ARHGEF10: variants seen among roughly 807,000 people sequenced by gnomAD.
ARHGEF10 encodes Rho guanine nucleotide exchange factor (GEF) 10.
A neutral mutation model predicts 147.4 loss-of-function variants in ARHGEF10; 140 were observed. That is an observed-to-expected ratio of 0.95 (90% CI 0.83 to 1.09). ARHGEF10 has a LOEUF of 1.09. Among genes scored for constraint, ARHGEF10 ranks in the 50% least tolerant of loss-of-function variants. ARHGEF10 has a pLI of 0.00. For missense variants in ARHGEF10, 2,222 were observed against 1,752.7 expected, an observed-to-expected ratio of 1.27 and a Z score of -4.78; for synonymous variants, 902 against 695.8, an observed-to-expected ratio of 1.30 and a Z score of -4.67.
At chr8:1,832,199 A>T (rs1323606403) in intron 1 of ARHGEF10, among the ~76,000 whole-genome samples, 5 of 151,296 alleles carry the variant, frequency 3.3e-5, no homozygotes, top group Non-Finnish European at 7.4e-5. Flanking sequence ...CAAGGGCTCC[A>T]AGGGATGGAG....
At chr8:1,954,840 C>G (rs1043834191) in intron 28 of ARHGEF10, among the ~76,000 whole-genome samples, 2 of 152,268 alleles carry the variant, frequency 1.3e-5, no homozygotes, top group South Asian at 2.1e-4. Context: ...TGCTTTTTCT[C>G]TCAGCCTTGC....
chr8:1,921,760 A>T (rs1812308723), intron 18 of ARHGEF10, among the ~76,000 whole-genome samples: 3 of 152,064 alleles, frequency 2.0e-5, no homozygotes, highest in African/African-American at 7.2e-5. Context: ...AAGAAAAAAC[A>T]GAATTTCAGG....
intron 27 of ARHGEF10, 59 bp from the exon 28 acceptor site, chr8:1,952,646 C>T (rs1408688886): frequency 1.1e-5 from 18 of 1,606,264 alleles, no homozygotes; most frequent in Middle Eastern, 2.0e-4. Context: ...ACCCCGTCAC[C>T]GCCCCACCAA....
At chr8:1,897,749 C>T (rs1246977980) in intron 14 of ARHGEF10, among the ~76,000 whole-genome samples, 1 of 152,184 alleles carries the variant, frequency 6.6e-6, no homozygotes, top group Non-Finnish European at 1.5e-5. Flanking sequence ...GGGGATTTTG[C>T]TGTACTCCCA....
At chr8:1,915,801 T>G (rs555128283) in intron 18 of ARHGEF10, among the ~76,000 whole-genome samples, 1 of 152,322 alleles carries the variant, frequency 6.6e-6, no homozygotes, top group South Asian at 2.1e-4. Flanking sequence ...CCATATTTTC[T>G]AAATATGACA....
In ARHGEF10 at chr8:1,922,999, G is replaced by T. The variant is rs367690979; in HGVS notation, c.2179G>T (p.Asp727Tyr). 1 of 1,613,470 alleles carries T rather than the reference G, an allele frequency of 6.2e-7. No individual in the cohort carries two copies. The highest frequency in any genetic ancestry group is 8.5e-7 in the Non-Finnish European group (1 of 1,179,914). ...VYMGPGQLYQ[D>Y]LQNLLHDLNV... is the part of the protein sequence containing the mutation. ...CATGGGGCCAGGACAACTGTATCAA[G>T]ATTTACAAAACTTGTTGCATGACTT... Residue 727 changes from aspartate (D) to tyrosine (Y), a missense_variant, in exon 19 of 29, where the codon GAT becomes TAT. Physicochemically the swap from Asp to Tyr is radical, Grantham distance 160 (BLOSUM62 -3). Transcript: ENST00000349830.
rs1287110811 is a variant in ARHGEF10 at position 1,957,165 on chromosome 8, C to T, written c.3937C>T (p.Gln1313Ter). Residue 1313 changes from glutamine (Q) to a stop codon, truncating the protein, a stop_gained, in exon 29 of 29, where the codon CAG (glutamine) becomes TAG (stop). Coordinates refer to ENST00000349830, the MANE Select transcript of ARHGEF10 (RefSeq NM_014629.4). LOFTEE classifies it high-confidence loss of function. ...CTCGGCGCTGGTGGTCTGTGGAGGG[C>T]AGGGCCACCGCCGGGTGCACAGGAA... The part of the protein sequence containing the change: ...ASSALVVCGG[Q>*]GHRRVHRKAR... 28 of 1,612,646 alleles carry T rather than the reference C, an allele frequency of 1.7e-5. No homozygotes were observed. The highest frequency in any genetic ancestry group is 2.3e-5 in the Non-Finnish European group (27 of 1,180,014).
upstream of ARHGEF10, among the ~76,000 whole-genome samples, chr8:1,823,711 G>A (rs1316263747): frequency 6.6e-6 from 1 of 151,892 alleles, no homozygotes; most frequent in Non-Finnish European, 1.5e-5. Flanking sequence ...GGGGGCGGGA[G>A]CCTCTGCCGC....
intron 18 of ARHGEF10, among the ~76,000 whole-genome samples, chr8:1,912,754 A>G (rs1024702949): frequency 6.6e-5 from 10 of 151,736 alleles, no homozygotes; most frequent in Non-Finnish European, 1.2e-4. Flanking sequence ...CGTGTCCCCT[A>G]TGGATCCATG....
At position 1,833,667 on chromosome 8, in the gene ARHGEF10, C is replaced by G. The variant is rs568514556; in HGVS notation, c.-48+9554C>G. Among the ~76,000 whole-genome samples the G allele has an allele frequency of 5.0e-4, 76 of 152,346 alleles. No homozygotes were observed. In the South Asian group the frequency reaches 0.011, roughly 22 times the overall value. ...CCCCCTTTCCATGCCAGGCCCCGGG[C>G]AGTCCCCAGGCCGCTGCTGCCCTCA... On this transcript the variant is annotated intron_variant, in intron 1 of 28. Coordinates refer to ENST00000349830, the MANE Select transcript of ARHGEF10 (RefSeq NM_014629.4).
intron 10 of ARHGEF10, 75 bp downstream of exon 10, chr8:1,882,824 G>A (rs867291938): frequency 6.8e-6 from 5 of 732,298 alleles, no homozygotes; most frequent in South Asian, 5.9e-5. Context: ...GGGAGGACTC[G>A]GGGTGGGGGG....
In ARHGEF10 at chr8:1,923,820, C is replaced by G; in HGVS notation, c.2434C>G (p.Pro812Ala). Residue 812 changes from proline (P) to alanine (A), a missense_variant, in exon 21 of 29, where the codon CCT becomes GCT. By Grantham distance (27) the Pro-to-Ala change is conservative. Transcript: ENST00000349830. ...TACAGCTGTGTTCAATACGTTCACC[C>G]CTGCCATCAAGGAGTCCTGGGTCAA... ...FFTAVFNTFTPAIKESWVNSL... is the reference protein window; with the variant it reads ...FFTAVFNTFTAAIKESWVNSL... The G allele has an allele frequency of 6.2e-7, 1 of 1,614,170 alleles. No individual in the cohort carries two copies. The highest frequency in any genetic ancestry group is 1.3e-5 in the African/African-American group (1 of 75,046).
At chr8:1,932,877 G>A (rs1813264761) in intron 25 of ARHGEF10, among the ~76,000 whole-genome samples, 1 of 152,188 alleles carries the variant, frequency 6.6e-6, no homozygotes, top group Non-Finnish European at 1.5e-5. Context: ...TTAGGAAGTC[G>A]ACGGCATTGA....
At chr8:1,838,072 G>A (rs1381506933) in intron 1 of ARHGEF10, among the ~76,000 whole-genome samples, 1 of 152,150 alleles carries the variant, frequency 6.6e-6, no homozygotes, top group Non-Finnish European at 1.5e-5. Context: ...TCGTATGGTG[G>A]ATGCGTCTTT....
rs1172717870 is a variant in ARHGEF10 at position 1,955,129 on chromosome 8, C to T, written c.3521-1620C>T. 5.3e-4 allele frequency among the ~76,000 whole-genome samples: 63 copies of T among 118,020 alleles called. 1 individual carries two copies. The highest frequency in any genetic ancestry group is 2.0e-3 in the African/African-American group (49 of 24,914). 77.4% of individuals were successfully genotyped at this position (118,020 alleles called of 152,430 possible). Reference sequence around the variant, plus strand: ...GCCAGGTGCTCCCTGAAAGGAGGTGCACTCTCACTGTTCCTCTGGAGGATA... The same window carrying T: ...GCCAGGTGCTCCCTGAAAGGAGGTGTACTCTCACTGTTCCTCTGGAGGATA... On this transcript the variant is annotated intron_variant, in intron 28 of 28. Coordinates refer to ENST00000349830, the MANE Select transcript of ARHGEF10 (RefSeq NM_014629.4).
chr8:1,885,898 G>A (rs1785358570), intron 11 of ARHGEF10, among the ~76,000 whole-genome samples, 191 bp downstream of exon 11: 2 of 152,190 alleles, frequency 1.3e-5, no homozygotes, highest in African/African-American at 2.4e-5. Flanking sequence ...CTGGGGGGAC[G>A]CTGGTCAGCA....
At chr8:1,849,588 C>A (rs549536782) in intron 2 of ARHGEF10, among the ~76,000 whole-genome samples, 1 of 128,614 alleles carries the variant, frequency 7.8e-6, no homozygotes, top group Non-Finnish European at 1.6e-5. Context: ...GGGCCAGCTG[C>A]GTGGACACAG....
intron 7 of ARHGEF10, chr8:1,876,320 C>G: frequency 1.8e-6 from 1 of 557,292 alleles, no homozygotes; most frequent in Non-Finnish European, 3.2e-6. Context: ...CCTCGGGGTA[C>G]AGATGGGGCA....
intron 28 of ARHGEF10, among the ~76,000 whole-genome samples, chr8:1,954,820 C>T (rs540694014): frequency 2.0e-5 from 3 of 152,390 alleles, no homozygotes; most frequent in South Asian, 4.1e-4. Flanking sequence ...ATGGTGCAAG[C>T]AGCCTCTGTT....
Sources: allele counts gnomAD v4.1 joint callset (sites outside exome capture counted in the v4.1 genomes callset), GRCh38; gene constraint gnomAD v4.1.1; transcripts MANE v1.5; gene names NCBI Gene and HGNC (gene_info 2026-07-23, HGNC 2026-07-21).